USP20: variants seen among roughly 807,000 people sequenced by gnomAD.
The protein encoded by USP20 is ubiquitin carboxyl-terminal hydrolase 20.
USP20 carries 80 observed loss-of-function variants against 124.2 expected under a neutral mutation model. That is an observed-to-expected ratio of 0.64 (90% CI 0.54 to 0.78). The LOEUF is 0.78. Ranked by LOEUF, USP20 falls within the 30% of genes least tolerant of loss-of-function variation. The pLI, the probability that USP20 is intolerant of heterozygous loss-of-function variation, is 0.00. For synonymous variants in USP20, 481 were observed against 512.3 expected, an observed-to-expected ratio of 0.94 and a Z score of 0.83; for missense variants, 1,043 against 1,244.4, an observed-to-expected ratio of 0.84 and a Z score of 2.44.
chr9:129,866,908 G>A (rs930306989), intron 10 of USP20, among the ~76,000 whole-genome samples: 1 of 152,184 alleles, frequency 6.6e-6, no homozygotes, highest in African/African-American at 2.4e-5. Flanking sequence ...CTGATGCAAT[G>A]TAACCTCGTG....
Position 129,874,656 on chromosome 9 carries a change from C to T in USP20, c.1821C>T (p.Leu607=), listed in dbSNP as rs543273598. Residue 607 remains leucine (L), a synonymous_variant, in exon 18 of 26, where the codon CTC becomes CTT. Coordinates refer to ENST00000372429, the MANE Select transcript of USP20 (RefSeq NM_001110303.4). The part of the protein sequence containing the change: ...FKINSHVSFP[L]EGLDLRPFLA... The stretch of plus-strand genomic sequence containing the variant: ...TCAACAGCCACGTCTCCTTCCCCCT[C>T]GAGGGGCTCGACCTGCGCCCCTTCC... 3.7e-5 allele frequency: 60 copies of T among 1,613,968 alleles called. No homozygotes were observed. Among genetic ancestry groups the T allele is most frequent in the South Asian group, 5.5e-5 (5 of 91,088 alleles).
intron 3 of USP20, among the ~76,000 whole-genome samples, chr9:129,854,878 CT>C (rs2033131125): frequency 6.6e-6 from 1 of 152,156 alleles, no homozygotes; most frequent in Non-Finnish European, 1.5e-5. Context: ...ACAAACACAG[CT>C]GGAATCTGGG....
In USP20 at chr9:129,879,487, G is replaced by A. The variant is rs2034548678; in HGVS notation, c.2513-86G>A. On this transcript the variant is annotated intron_variant, in intron 23 of 25. Transcript: ENST00000372429. This position sits in a 1 kb window ranked among gnomAD's most constrained non-coding sequence, Gnocchi z 4.2. ...ACTTCACGCTGACCCCCAGGCCTGG[G>A]GCGGCCCCACTTGGGATGGCTCTGC... The A allele has an allele frequency of 7.0e-7, 1 of 1,426,386 alleles. No homozygotes were observed. The highest frequency in any genetic ancestry group is 1.4e-5 in the African/African-American group (1 of 71,178). The allele number at this position is 1,426,386 out of a possible 1,614,324, so 88.4% of individuals were successfully genotyped here.
chr9:129,843,211 CTT>C (rs949162461), intron 1 of USP20, among the ~76,000 whole-genome samples: 136 of 151,594 alleles, frequency 9.0e-4, no homozygotes, highest in African/African-American at 3.2e-3. Context: ...GGACAGATCA[CTT>C]GAGGTCAGGA....
intron 3 of USP20, among the ~76,000 whole-genome samples, chr9:129,854,217 C>T (rs10733700): frequency 0.86 from 131,459 of 152,234 alleles, 57,122 homozygotes; most frequent in East Asian, 0.98. Flanking sequence ...TAGGAATTAC[C>T]GTAACTTTTA....
chr9:129,842,654 C>T (rs887487238), intron 1 of USP20, among the ~76,000 whole-genome samples: 3 of 149,942 alleles, frequency 2.0e-5, no homozygotes, highest in African/African-American at 4.9e-5. Flanking sequence ...AGTGCAATGG[C>T]GTGATCTCGG....
In USP20 at chr9:129,880,297, G is replaced by T. The variant is rs201987960; in HGVS notation, c.*16+8G>T. On this transcript the variant is annotated splice_region_variant and intron_variant, in intron 25 of 25. Coordinates refer to ENST00000372429, the MANE Select transcript of USP20 (RefSeq NM_001110303.4). The stretch of plus-strand genomic sequence containing the variant: ...GATCTGCTGGGCTAGTCTGTAAGTC[G>T]CCCCGGCTGGTCCCTCCATGGCACT... 3 of 1,557,960 alleles carry T rather than the reference G, an allele frequency of 1.9e-6. No homozygotes were observed. The highest frequency in any genetic ancestry group is 3.8e-5 in the Admixed American group (2 of 52,168).
intron 1 of USP20, among the ~76,000 whole-genome samples, chr9:129,842,672 C>T (rs1258615446): frequency 2.0e-5 from 3 of 151,510 alleles, no homozygotes. Flanking sequence ...CGGCTCACTG[C>T]AACCTCTGCC....
intron 4 of USP20, among the ~76,000 whole-genome samples, chr9:129,856,711 A>G (rs1025207600): frequency 2.6e-5 from 4 of 152,132 alleles, no homozygotes; most frequent in Non-Finnish European, 1.5e-5. Context: ...CAGCGTCTCT[A>G]CCTGGGCCAG....
chr9:129,844,158 G>T (rs779288556), intron 1 of USP20, among the ~76,000 whole-genome samples: 12 of 152,026 alleles, frequency 7.9e-5, no homozygotes, highest in Admixed American at 6.5e-4. Context: ...AAAATACCAC[G>T]TCCTATGATG....
chr9:129,864,443 C>G (rs879411660), intron 9 of USP20, among the ~76,000 whole-genome samples: 6 of 141,200 alleles, frequency 4.2e-5, no homozygotes, highest in Non-Finnish European at 6.0e-5. Context: ...GCACTTCAGC[C>G]TGGGCGACAG....
At chr9:129,869,590 C>T (rs955673277) in intron 13 of USP20, 82 bp from the exon 14 acceptor site, 1 of 1,580,874 alleles carries the variant, frequency 6.3e-7, no homozygotes, top group Non-Finnish European at 8.6e-7. Context: ...GGAGTAGTCC[C>T]TCTGCCCCTC....
In USP20 at chr9:129,870,462, A is replaced by G; in HGVS notation, c.1575A>G (p.Val525=). 6.2e-7 allele frequency: 1 copy of G among 1,614,010 alleles called. No homozygotes were observed. The highest frequency in any genetic ancestry group is 8.5e-7 in the Non-Finnish European group (1 of 1,179,954). ...FIVEYIRRFV[V]SCTPSWFWGP... ...CCTTTTCTGTCTGTAGGTTTGTGGT[A>G]TCCTGTACCCCCAGCTGGTTTTGGG... The change falls in exon 15 of 26, where the codon GTA becomes GTG. Residue 525 remains valine (V), a synonymous_variant. Transcript: ENST00000372429.
At chr9:129,856,127 C>G (rs926916457) in intron 3 of USP20, among the ~76,000 whole-genome samples, 180 bp from the exon 4 acceptor site, 3 of 152,208 alleles carry the variant, frequency 2.0e-5, no homozygotes, top group African/African-American at 7.2e-5. Context: ...AAGTGCTCCC[C>G]TGGGAGCCTA....
At chr9:129,838,902 G>T (rs757118289) in intron 1 of USP20, among the ~76,000 whole-genome samples, 1 of 152,188 alleles carries the variant, frequency 6.6e-6, no homozygotes, top group Non-Finnish European at 1.5e-5. Context: ...CAGAGCAAAG[G>T]GTAGTAGCAG....
At position 129,875,562 on chromosome 9, in the gene USP20, A is replaced by C. The variant is rs370311709; in HGVS notation, c.2221A>C (p.Ile741Leu). 6.2e-7 allele frequency: 1 copy of C among 1,614,082 alleles called. No homozygotes were observed. Among genetic ancestry groups the C allele is most frequent in the Non-Finnish European group, 8.5e-7 (1 of 1,179,994 alleles). Residue 741 changes from isoleucine to leucine, a missense_variant and splice_region_variant, in exon 21 of 26, where the codon ATC (isoleucine) becomes CTC (leucine). By Grantham distance (5) the Ile-to-Leu change is conservative. Coordinates refer to ENST00000372429, the MANE Select transcript of USP20 (RefSeq NM_001110303.4). ...NQTFLCSHGG[I>L]PPHKYHYIDD... ...CGCTCCCTGTACCTTCTTCCCAGGCATCCCGCCCCACAAATACCACTACAT... is the reference window on the plus strand; with the variant it reads ...CGCTCCCTGTACCTTCTTCCCAGGCCTCCCGCCCCACAAATACCACTACAT...
intron 10 of USP20, 102 bp from the exon 11 acceptor site, chr9:129,867,903 G>T: frequency 7.0e-7 from 1 of 1,419,758 alleles, no homozygotes; most frequent in Non-Finnish European, 9.4e-7. Flanking sequence ...CGCCCATGAG[G>T]TCCTCCTAGA....
chr9:129,856,528 G>A (rs7862315), intron 4 of USP20, among the ~76,000 whole-genome samples, 168 bp downstream of exon 4: 131,631 of 152,312 alleles, frequency 0.86, 57,235 homozygotes, highest in East Asian at 0.98. Flanking sequence ...CAAAGTCAGC[G>A]AATCCTGGGC....
chr9:129,876,396 T>A (rs1170241076), intron 22 of USP20, among the ~76,000 whole-genome samples, 158 bp downstream of exon 22: 2 of 152,272 alleles, frequency 1.3e-5, no homozygotes, highest in Admixed American at 1.3e-4. Flanking sequence ...CCCAGCACTT[T>A]GGGAGGCTGA....
Sources: allele counts gnomAD v4.1 joint callset (sites outside exome capture counted in the v4.1 genomes callset), GRCh38; gene constraint gnomAD v4.1.1; non-coding constraint Gnocchi (gnomAD v3.1); transcripts MANE v1.5; gene names NCBI Gene and HGNC (gene_info 2026-07-23, HGNC 2026-07-21).